Variants in SUGCT observed in about 807,000 individuals in gnomAD.
SUGCT encodes succinyl-CoA:glutarate-CoA transferase.
A neutral mutation model predicts 55.0 loss-of-function variants in SUGCT; 41 were observed. That is an observed-to-expected ratio of 0.74 (90% CI 0.58 to 0.97). The LOEUF (loss-of-function observed/expected upper bound fraction) is 0.97. Among genes scored for constraint, SUGCT ranks in the 50% least tolerant of loss-of-function variants. SUGCT has a pLI of 0.00. For synonymous variants in SUGCT, 187 were observed against 200.4 expected (o/e 0.93, Z 0.56); for missense variants, 568 against 547.8 (o/e 1.04, Z -0.37).
chr7:40,322,848 G>A (rs1196261611), intron 9 of SUGCT, among the ~76,000 whole-genome samples: 1 of 152,102 alleles, frequency 6.6e-6, no homozygotes, highest in Non-Finnish European at 1.5e-5. Context: ...AGCTACTCTG[G>A]AGGCTGAGGT....
In SUGCT at chr7:40,683,058, T is replaced by G. The variant is rs1784323250; in HGVS notation, c.1090-66376T>G. Among the ~76,000 whole-genome samples the G allele has an allele frequency of 3.3e-5, 5 of 152,290 alleles. No homozygotes were observed. In the South Asian group the frequency reaches 1.0e-3, roughly 32 times the overall value. On this transcript the variant is annotated intron_variant, in intron 12 of 13. Coordinates refer to ENST00000335693, the MANE Select transcript of SUGCT (RefSeq NM_001193313.2). ...AATTTGTCAATTTACTTTTCTCACT[T>G]TATATCAGTAAATTATCCTTTTAAA...
intron 12 of SUGCT, among the ~76,000 whole-genome samples, chr7:40,711,127 G>A (rs972934675): frequency 6.6e-6 from 1 of 152,240 alleles, no homozygotes; most frequent in Non-Finnish European, 1.5e-5. Context: ...GCCAACGGGT[G>A]TGAGAAACTC....
At chr7:40,409,659 T>C (rs1490407475) in intron 9 of SUGCT, among the ~76,000 whole-genome samples, 1 of 152,118 alleles carries the variant, frequency 6.6e-6, no homozygotes, top group African/African-American at 2.4e-5. Context: ...GTATTCTTCA[T>C]TTTTAATTTT....
rs183238449 is a variant in SUGCT, at chr7:40,706,994, A to G, written c.1090-42440A>G. 1.0e-3 allele frequency among the ~76,000 whole-genome samples: 157 copies of G among 152,142 alleles called. No homozygotes were observed. The South Asian group carries it at 0.011, about 10-fold the overall frequency. ...AGTTCGGCTAAGTAGAGAACTACCC[A>G]CCCTCATTGTCCACCCTCACTCTTG... is the stretch of plus-strand genomic sequence containing the variant. On this transcript the variant is annotated intron_variant, in intron 12 of 13. Coordinates refer to ENST00000335693, the MANE Select transcript of SUGCT (RefSeq NM_001193313.2).
At chr7:40,736,128 A>G (rs1056421899) in intron 12 of SUGCT, among the ~76,000 whole-genome samples, 1 of 150,816 alleles carries the variant, frequency 6.6e-6, no homozygotes, top group East Asian at 1.9e-4. Context: ...AGGCAGAGAC[A>G]TACAGTGTGA....
intron 8 of SUGCT, among the ~76,000 whole-genome samples, chr7:40,289,016 A>C (rs1793537182): frequency 6.6e-6 from 1 of 152,192 alleles, no homozygotes; most frequent in Admixed American, 6.5e-5. Flanking sequence ...AATAATGTTT[A>C]ACCACTACTA....
At chr7:40,173,301 G>T (rs1343396592) in intron 1 of SUGCT, among the ~76,000 whole-genome samples, 1 of 152,228 alleles carries the variant, frequency 6.6e-6, no homozygotes, top group African/African-American at 2.4e-5. Flanking sequence ...TGCCTCACTG[G>T]ATCAGAAACA....
the SUGCT span, among the ~76,000 whole-genome samples, chr7:40,945,746 C>T: frequency 1.3e-5 from 2 of 152,148 alleles, no homozygotes; most frequent in South Asian, 4.1e-4. Context: ...ATGGACTTCC[C>T]CTTGCCCCAG....
chr7:40,692,967 G>T (rs1784763785), intron 12 of SUGCT, among the ~76,000 whole-genome samples: 1 of 152,206 alleles, frequency 6.6e-6, no homozygotes, highest in South Asian at 2.1e-4. Context: ...GACTGAGCTA[G>T]TAGGGGTCAT....
chr7:40,272,944 G>A (rs551811291), intron 7 of SUGCT, among the ~76,000 whole-genome samples: 476 of 152,102 alleles, frequency 3.1e-3, no homozygotes, highest in Non-Finnish European at 5.4e-3. Flanking sequence ...ACAGGTGTGA[G>A]CCACCGTGCC....
At chr7:40,772,571 T>TCTG (rs1462776132) in intron 13 of SUGCT, among the ~76,000 whole-genome samples, 24 of 142,108 alleles carry the variant, frequency 1.7e-4, no homozygotes, top group African/African-American at 5.9e-4. Context: ...TCTGGTGTTA[T>TCTG]CTATCTGCTA....
chr7:40,233,702 T>C (rs1489227641), intron 6 of SUGCT, among the ~76,000 whole-genome samples: 1 of 152,234 alleles, frequency 6.6e-6, no homozygotes, highest in Non-Finnish European at 1.5e-5. Flanking sequence ...TAAGCTAATA[T>C]ATTATTTATA....
chr7:40,382,729 A>T (rs1173380070), intron 9 of SUGCT, among the ~76,000 whole-genome samples: 2 of 152,218 alleles, frequency 1.3e-5, no homozygotes, highest in African/African-American at 4.8e-5. Context: ...ATACTTATAA[A>T]TAAGTCTATT....
chr7:40,931,713 G>C, the SUGCT span, among the ~76,000 whole-genome samples: 1 of 152,146 alleles, frequency 6.6e-6, no homozygotes, highest in Non-Finnish European at 1.5e-5. Context: ...TTTGCATAGA[G>C]GTCTTTATAG....
At chr7:40,476,473 C>G (rs565626739) in intron 11 of SUGCT, among the ~76,000 whole-genome samples, 34 of 152,202 alleles carry the variant, frequency 2.2e-4, no homozygotes, top group African/African-American at 8.2e-4. Flanking sequence ...TTTTGGAGTT[C>G]TCTTAATTTA....
intron 12 of SUGCT, chr7:40,684,021 C>G (rs1413476486): frequency 4.3e-6 from 7 of 1,611,362 alleles, no homozygotes; most frequent in Non-Finnish European, 5.9e-6. Flanking sequence ...GGTTGTATGA[C>G]TGAGGTCTCT....
chr7:40,403,928 A>G (rs941073073), intron 9 of SUGCT, among the ~76,000 whole-genome samples: 16 of 152,202 alleles, frequency 1.1e-4, no homozygotes, highest in African/African-American at 3.9e-4. Context: ...GGCTGATGCA[A>G]TGTAATCAAT....
At chr7:40,765,217 A>C (rs1584405124) in intron 13 of SUGCT, among the ~76,000 whole-genome samples, 1 of 152,170 alleles carries the variant, frequency 6.6e-6, no homozygotes. Flanking sequence ...GACAAATACA[A>C]ACAACTGTCA....
intron 12 of SUGCT, among the ~76,000 whole-genome samples, chr7:40,618,069 C>T (rs1440943483): frequency 6.6e-6 from 1 of 152,134 alleles, no homozygotes; most frequent in Non-Finnish European, 1.5e-5. Flanking sequence ...TTTTCTAGAC[C>T]TGTTACACAG....
Sources: allele counts gnomAD v4.1 joint callset (sites outside exome capture counted in the v4.1 genomes callset), GRCh38; gene constraint gnomAD v4.1.1; transcripts MANE v1.5; gene names NCBI Gene and HGNC (gene_info 2026-07-23, HGNC 2026-07-21).